The following RAD54L2 variants were observed in gnomAD, a reference collection of about 807,000 sequenced individuals.
The protein encoded by RAD54L2 is helicase ARIP4.
In RAD54L2, 27 loss-of-function variants were observed where a neutral mutation model predicts 138.4. That is an observed-to-expected ratio of 0.20 (90% CI 0.14 to 0.27). The LOEUF is 0.27. Among genes scored for constraint, RAD54L2 ranks in the 10% least tolerant of loss-of-function variants. RAD54L2 has a pLI of 1.00. For synonymous variants in RAD54L2, 644 were observed against 723.2 expected (o/e 0.89, Z 1.76); for missense variants, 1,396 against 1,890.2 (o/e 0.74, Z 4.85).
rs985853286 is a variant in RAD54L2, at chr3:51,664,667, G to A, written c.*1247G>A. 2 of 152,168 alleles carry A rather than the reference G, an allele frequency of 1.3e-5. No homozygotes were observed. Among genetic ancestry groups the A allele is most frequent in the African/African-American group, 2.4e-5 (1 of 41,428 alleles). The allele number at this position is 152,168 out of a possible 1,614,324, so 9.4% of individuals were successfully genotyped here. ...TGGATGGATGGTAAATTGACCAGGG[G>A]AAGAGTTAGGTTTGACCAAGGTTTG... On this transcript the variant is annotated 3_prime_UTR_variant, in exon 23 of 23. Coordinates refer to ENST00000684192, the MANE Select transcript of RAD54L2 (RefSeq NM_015106.4).
At chr3:51,588,319 G>A (rs947958731) in intron 2 of RAD54L2, among the ~76,000 whole-genome samples, 10 of 151,544 alleles carry the variant, frequency 6.6e-5, no homozygotes, top group Non-Finnish European at 1.5e-4. Flanking sequence ...AGGATCACCT[G>A]AGGTCAGGAG....
At chr3:51,652,654 C>G (rs1335823962) in intron 19 of RAD54L2, among the ~76,000 whole-genome samples, 1 of 152,090 alleles carries the variant, frequency 6.6e-6, no homozygotes, top group Non-Finnish European at 1.5e-5. Flanking sequence ...CTTTGACAAA[C>G]CTGAACAGAA....
intron 3 of RAD54L2, among the ~76,000 whole-genome samples, chr3:51,617,363 G>A (rs1700468174): frequency 6.6e-6 from 1 of 152,148 alleles, no homozygotes; most frequent in African/African-American, 2.4e-5. Context: ...AGTTCCAGGT[G>A]CCCCACATCT....
At chr3:51,626,730 C>T (rs1177290094) in intron 3 of RAD54L2, among the ~76,000 whole-genome samples, 1 of 151,970 alleles carries the variant, frequency 6.6e-6, no homozygotes, top group Non-Finnish European at 1.5e-5. Context: ...CAGGCATGAG[C>T]CACCGCGCCC....
At chr3:51,618,697 G>A (rs1700501969) in intron 3 of RAD54L2, among the ~76,000 whole-genome samples, 1 of 152,236 alleles carries the variant, frequency 6.6e-6, no homozygotes. Context: ...ACTTTGAGCT[G>A]ACGCTGTAAT....
intron 4 of RAD54L2, 141 bp from the exon 5 acceptor site, chr3:51,629,193 T>C: frequency 1.2e-6 from 1 of 839,314 alleles, no homozygotes; most frequent in Non-Finnish European, 1.8e-6. Context: ...GCTCCTTGCA[T>C]GGGTATGGTG....
intron 3 of RAD54L2, among the ~76,000 whole-genome samples, chr3:51,621,398 C>T (rs1700566684): frequency 6.6e-6 from 1 of 152,180 alleles, no homozygotes. Flanking sequence ...TGTTACTGCA[C>T]TTGGCCACAT....
chr3:51,562,008 A>G (rs1319896554), intron 2 of RAD54L2, among the ~76,000 whole-genome samples: 1 of 151,196 alleles, frequency 6.6e-6, no homozygotes, highest in African/African-American at 2.4e-5. Context: ...AACTGGGACT[A>G]TAGGTGTGTG....
At chr3:51,646,122 A>T (rs1178080358) in intron 18 of RAD54L2, among the ~76,000 whole-genome samples, 163 bp from the exon 19 acceptor site, 2 of 152,244 alleles carry the variant, frequency 1.3e-5, no homozygotes, top group East Asian at 3.8e-4. Context: ...GGTTAGAGCT[A>T]TAAATTGTAC....
chr3:51,598,149 A>ATGTG lies in RAD54L2; in HGVS notation c.139+7616_139+7619dup, dbSNP rs778223606. ...TATATATATATGTGTGTATATATAT[A>ATGTG]TGTGTGTGTGTGTGTGTGTGTGTGT... On this transcript the variant is annotated intron_variant, in intron 3 of 22. Transcript: ENST00000684192. Among the ~76,000 whole-genome samples, 941 of 128,396 alleles carry ATGTG rather than the reference A, an allele frequency of 7.3e-3. 15 individuals are homozygous for ATGTG. Among genetic ancestry groups the ATGTG allele is most frequent in the East Asian group, 0.05 (232 of 4,600 alleles). The allele number at this position is 128,396 out of a possible 152,430, so 84.2% of individuals were successfully genotyped here.
chr3:51,657,537 C>A, intron 20 of RAD54L2, 43 bp from the exon 21 acceptor site: 1 of 1,353,374 alleles, frequency 7.4e-7, no homozygotes, highest in Non-Finnish European at 1.0e-6. Context: ...CTCCTTCAGT[C>A]AGGCCCCGTG....
intron 2 of RAD54L2, among the ~76,000 whole-genome samples, chr3:51,549,147 C>T (rs545315896): frequency 6.6e-6 from 1 of 152,258 alleles, no homozygotes; most frequent in African/African-American, 2.4e-5. Context: ...GCGCCCACCA[C>T]CACGCCCAGC....
chr3:51,581,705 G>A (rs899531155), intron 2 of RAD54L2, among the ~76,000 whole-genome samples: 5 of 152,200 alleles, frequency 3.3e-5, no homozygotes, highest in African/African-American at 1.2e-4. Context: ...ACTGGCAAGG[G>A]AGAATGGAGG....
chr3:51,666,528 C>T lies in RAD54L2; in HGVS notation c.*3108C>T, dbSNP rs935917361. 4 of 152,126 alleles carry T rather than the reference C, an allele frequency of 2.6e-5. No homozygotes were observed. Among genetic ancestry groups the T allele is most frequent in the African/African-American group, 7.2e-5 (3 of 41,422 alleles). The allele number at this position is 152,126 out of a possible 1,614,324, so 9.4% of individuals were successfully genotyped here. On this transcript the variant is annotated 3_prime_UTR_variant, in exon 23 of 23. Coordinates refer to ENST00000684192, the MANE Select transcript of RAD54L2 (RefSeq NM_015106.4). ...TCAAGCCCCATTCATCTGGTTTAGC[C>T]AAGTTCTCAGCCTGGGGAACACAGT...
At chr3:51,588,534 C>CAA (rs71633079) in intron 2 of RAD54L2, among the ~76,000 whole-genome samples, 6 of 49,374 alleles carry the variant, frequency 1.2e-4, no homozygotes, top group South Asian at 7.8e-4. Flanking sequence ...AACTGCATCT[C>CAA]AAAAAAAAAA....
At chr3:51,593,236 C>T (rs954646998) in intron 3 of RAD54L2, among the ~76,000 whole-genome samples, 4 of 151,922 alleles carry the variant, frequency 2.6e-5, no homozygotes, top group Non-Finnish European at 1.5e-5. Flanking sequence ...ATAGGAGAGC[C>T]CCTAGCTCAC....
At chr3:51,543,495 C>G (rs1698607729) in intron 2 of RAD54L2, among the ~76,000 whole-genome samples, 1 of 151,620 alleles carries the variant, frequency 6.6e-6, no homozygotes, top group African/African-American at 2.4e-5. Context: ...GTAATCCCAG[C>G]TACTCGGGAG....
chr3:51,588,322 G>A (rs1052361562), intron 2 of RAD54L2, among the ~76,000 whole-genome samples: 2 of 151,492 alleles, frequency 1.3e-5, no homozygotes, highest in South Asian at 2.1e-4. Context: ...ATCACCTGAG[G>A]TCAGGAGTTA....
intron 2 of RAD54L2, among the ~76,000 whole-genome samples, chr3:51,543,165 A>C (rs1553671619): frequency 6.6e-6 from 1 of 152,028 alleles, no homozygotes; most frequent in Non-Finnish European, 1.5e-5. Flanking sequence ...ATTTTTTCCC[A>C]ATAAGACAGG....
Sources: gnomAD v4.1 joint callset for allele counts (sites outside exome capture counted in the v4.1 genomes callset) on GRCh38, gnomAD v4.1.1 for gene constraint, MANE v1.5 for transcripts, NCBI Gene and HGNC (gene_info 2026-07-23, HGNC 2026-07-21) for gene names.